D2HGDH: variants seen among roughly 807,000 people sequenced by gnomAD.
D2HGDH encodes D-2-hydroxyglutarate dehydrogenase, mitochondrial.
In D2HGDH, 31 loss-of-function variants were observed where a neutral mutation model predicts 46.9. The ratio of observed to expected loss-of-function variants is 0.66; its 90% CI spans 0.50 to 0.89. The LOEUF (loss-of-function observed/expected upper bound fraction) is 0.89, where lower values mean the gene tolerates loss of function less well. D2HGDH is among the 40% of genes least tolerant of loss of function. The probability of loss-of-function intolerance (pLI) is 0.00; values close to 1 mark genes in which losing one functional copy is unlikely to be tolerated. For missense variants in D2HGDH, 698 were observed against 720.8 expected (o/e 0.97, Z 0.36); for synonymous variants, 364 against 332.6 (o/e 1.09, Z -1.03).
chr2:241,756,931 C>T (rs1465884277), intron 9 of D2HGDH, among the ~76,000 whole-genome samples: 2 of 152,142 alleles, frequency 1.3e-5, no homozygotes, highest in African/African-American at 2.4e-5. Flanking sequence ...TGGGGCCTGA[C>T]AGATATTCAC....
Position 241,751,407 on chromosome 2 carries a change from G to T in D2HGDH, c.1140+19G>T, listed in dbSNP as rs762951301. 5 of 1,612,104 alleles carry T rather than the reference G, an allele frequency of 3.1e-6. No homozygotes were observed. The African/African-American group carries it at 4.0e-5, about 13-fold the overall frequency. ...AGTCAAGGTGCCCTGTGTCCTGCTT[G>T]CAGGTCCCCGCTCTCTGTCCGTCCA... On this transcript the variant is annotated intron_variant, in intron 8 of 9. Coordinates refer to ENST00000321264, the MANE Select transcript of D2HGDH (RefSeq NM_152783.5).
At chr2:241,747,386 G>A (rs565386264) in intron 6 of D2HGDH, among the ~76,000 whole-genome samples, 2 of 109,624 alleles carry the variant, frequency 1.8e-5, no homozygotes, top group Admixed American at 1.8e-4. Flanking sequence ...CCTTCCTCCA[G>A]AGAGGGTTTG....
chr2:241,739,261 G>T (rs1042212266), intron 2 of D2HGDH, among the ~76,000 whole-genome samples: 1 of 152,206 alleles, frequency 6.6e-6, no homozygotes, highest in Non-Finnish European at 1.5e-5. Flanking sequence ...TGCATTCTTG[G>T]GGGGTACTCA....
intron 8 of D2HGDH, among the ~76,000 whole-genome samples, chr2:241,752,271 C>T (rs542076521): frequency 8.5e-5 from 13 of 152,238 alleles, no homozygotes; most frequent in East Asian, 5.8e-4. Flanking sequence ...GGGGTGCGGT[C>T]GGCTGGGCTC....
rs147130162 is a variant in D2HGDH at position 241,753,806 on chromosome 2, C to T, written c.1141-2043C>T. 9.4e-3 allele frequency among the ~76,000 whole-genome samples: 1,436 copies of T among 152,320 alleles called. 24 individuals carry two copies. The highest frequency in any genetic ancestry group is 0.033 in the African/African-American group (1,360 of 41,566). On this transcript the variant is annotated intron_variant, in intron 8 of 9. Transcript: ENST00000321264. ...AGGGAGATGCCTCCTGTGCCCTGTG[C>T]CTGCCGGGCGACAGCAGTGACCAGG...
At chr2:241,737,071 C>T (rs1182329541) in intron 2 of D2HGDH, among the ~76,000 whole-genome samples, 1 of 151,526 alleles carries the variant, frequency 6.6e-6, no homozygotes, top group African/African-American at 2.4e-5. Flanking sequence ...TGGCTTCACG[C>T]CATTCTCCTG....
chr2:241,737,358 G>T (rs1249433431), intron 2 of D2HGDH, among the ~76,000 whole-genome samples: 1 of 152,228 alleles, frequency 6.6e-6, no homozygotes, highest in Non-Finnish European at 1.5e-5. Context: ...AAGATGCAGG[G>T]CTCCTGGCCA....
chr2:241,749,182 A>C lies in D2HGDH; in HGVS notation c.854-969A>C, dbSNP rs1696645459. On this transcript the variant is annotated intron_variant, in intron 6 of 9. Transcript: ENST00000321264. ...AGCAAGATGCCCAGTCCCCACCGCC[A>C]GACCCTCCAACACCACCACCACCTC... 5 of 850,520 alleles carry C rather than the reference A, an allele frequency of 5.9e-6. No individual in the cohort carries two copies. The African/African-American group carries it at 7.3e-5, about 12-fold the overall frequency. The allele number at this position is 850,520 out of a possible 1,614,324, so 52.7% of individuals were successfully genotyped here.
intron 6 of D2HGDH, among the ~76,000 whole-genome samples, chr2:241,745,707 G>A (rs549054228): frequency 2.8e-4 from 43 of 152,306 alleles, no homozygotes; most frequent in Non-Finnish European, 4.3e-4. Flanking sequence ...CTGGGATTAT[G>A]TTGCAAACAT....
chr2:241,754,953 G>A, intron 8 of D2HGDH: 5 of 1,171,956 alleles, frequency 4.3e-6, no homozygotes, highest in South Asian at 3.0e-5. Flanking sequence ...GGAGGGGCAG[G>A]TGCTGGGCTT....
chr2:241,748,363 T>G (rs1460637825), intron 6 of D2HGDH, among the ~76,000 whole-genome samples: 6 of 151,868 alleles, frequency 4.0e-5, no homozygotes, highest in Non-Finnish European at 8.8e-5. Flanking sequence ...TCAAGTGATC[T>G]GCCCGCCTCG....
intron 2 of D2HGDH, among the ~76,000 whole-genome samples, chr2:241,740,517 G>A (rs140424327): frequency 9.3e-4 from 141 of 152,334 alleles, no homozygotes; most frequent in African/African-American, 3.2e-3. Context: ...CTCCCATGTG[G>A]GACCTAGTTT....
At position 241,736,763 on chromosome 2, in the gene D2HGDH, G is replaced by A. The variant is rs149555206; in HGVS notation, c.292+1247G>A. 6.8e-3 allele frequency among the ~76,000 whole-genome samples: 1,022 copies of A among 151,298 alleles called. 9 individuals carry two copies. The highest frequency in any genetic ancestry group is 0.011 in the Non-Finnish European group (755 of 67,922). ...TGGCTCACTGCGACCTTCCCCTCCT[G>A]GGTGTAAGCAATTCAGCCTCCCAAG... is the stretch of plus-strand genomic sequence containing the variant. On this transcript the variant is annotated intron_variant, in intron 2 of 9. Transcript: ENST00000321264.
intron 6 of D2HGDH, chr2:241,749,368 C>T: frequency 7.8e-7 from 1 of 1,283,484 alleles, no homozygotes; most frequent in South Asian, 1.2e-5. Flanking sequence ...ATCCACATGC[C>T]TTTGCATTGC....
At chr2:241,741,927 C>T (rs1045231640) in intron 3 of D2HGDH, among the ~76,000 whole-genome samples, 1 of 152,136 alleles carries the variant, frequency 6.6e-6, no homozygotes, top group Admixed American at 6.5e-5. Flanking sequence ...TTTCCCAGAG[C>T]ACGGAACTTT....
Position 241,755,971 on chromosome 2 carries a change from C to T in D2HGDH, c.1263C>T (p.Arg421=). ...LYDIVTDLRA[R]LGPHAKHVVG... is the part of the protein sequence containing the mutation. ...ACATCGTGACTGACCTGCGCGCCCGCCTCGGCCCGCACGCCAAGCACGTGG... is the reference window on the plus strand; with the variant it reads ...ACATCGTGACTGACCTGCGCGCCCGTCTCGGCCCGCACGCCAAGCACGTGG... The change falls in exon 9 of 10, where the codon CGC becomes CGT. Residue 421 remains arginine (R), a synonymous_variant. Transcript: ENST00000321264. 2 of 1,605,496 alleles carry T rather than the reference C, an allele frequency of 1.2e-6. No homozygotes were observed. Among genetic ancestry groups the T allele is most frequent in the Non-Finnish European group, 1.7e-6 (2 of 1,173,926 alleles).
intron 6 of D2HGDH, among the ~76,000 whole-genome samples, chr2:241,746,670 A>G (rs998824062): frequency 6.6e-6 from 1 of 152,050 alleles, no homozygotes; most frequent in African/African-American, 2.4e-5. Context: ...CAGGTGGATC[A>G]CGAGGTCAGG....
At chr2:241,763,135 C>T (rs998474878) in intron 9 of D2HGDH, among the ~76,000 whole-genome samples, 2 of 152,154 alleles carry the variant, frequency 1.3e-5, no homozygotes, top group Non-Finnish European at 2.9e-5. Flanking sequence ...GGGTGCAGGC[C>T]GCCGTTGCTC....
chr2:241,734,923 C>G (rs1692323893), intron 1 of D2HGDH: 1 of 363,012 alleles, frequency 2.8e-6, no homozygotes, highest in South Asian at 7.0e-5. Context: ...GGCAAGGTCC[C>G]GGCGAGGCCG....
Sources: gnomAD v4.1 joint callset for allele counts (sites outside exome capture counted in the v4.1 genomes callset) on GRCh38, gnomAD v4.1.1 for gene constraint, MANE v1.5 for transcripts, NCBI Gene and HGNC (gene_info 2026-07-23, HGNC 2026-07-21) for gene names.